The following BRD7 variants were observed in gnomAD, a reference collection of about 807,000 sequenced individuals.
The protein encoded by BRD7 is bromodomain containing 7.
Under a neutral mutation model 82.1 loss-of-function variants are expected in BRD7, and 15 were observed. The ratio of observed to expected loss-of-function variants is 0.18; its 90% CI spans 0.12 to 0.28. The LOEUF (loss-of-function observed/expected upper bound fraction) is 0.28, where lower values mean the gene tolerates loss of function less well. Among genes scored for constraint, BRD7 ranks in the 10% least tolerant of loss-of-function variants. The probability of loss-of-function intolerance (pLI) is 1.00; values close to 1 mark genes in which losing one functional copy is unlikely to be tolerated. For missense variants in BRD7, 638 were observed against 779.9 expected (o/e 0.82, Z 2.17); for synonymous variants, 232 against 266.9 (o/e 0.87, Z 1.27).
intron 11 of BRD7, among the ~76,000 whole-genome samples, chr16:50,324,942 C>T (rs531066972): frequency 6.6e-6 from 1 of 152,182 alleles, no homozygotes; most frequent in East Asian, 1.9e-4. Context: ...GACTTAAGGA[C>T]CTCTACCTTG....
chr16:50,338,053 A>C (rs1302819121), intron 6 of BRD7, among the ~76,000 whole-genome samples: 1 of 152,200 alleles, frequency 6.6e-6, no homozygotes, highest in African/African-American at 2.4e-5. Flanking sequence ...ATCAAAGGTC[A>C]TTAAAAATTA....
Position 50,317,225 on chromosome 16 carries a change from T to C in BRD7, c.*1986A>G, listed in dbSNP as rs1041920978. 1 of 152,794 alleles carries C rather than the reference T, an allele frequency of 6.5e-6. No individual in the cohort carries two copies. The highest frequency in any genetic ancestry group is 2.4e-5 in the African/African-American group (1 of 41,454). 9.5% of individuals were successfully genotyped at this position (152,794 alleles called of 1,614,324 possible). ...GTGGAATCAGTATGAATAGAAGAAC[T>C]TGCTGTATAAAGGAATTTCATGGCA... On this transcript the variant is annotated 3_prime_UTR_variant, in exon 17 of 17. Coordinates refer to ENST00000394688, the MANE Select transcript of BRD7 (RefSeq NM_013263.5).
intron 7 of BRD7, 34 bp from the exon 8 acceptor site, chr16:50,333,731 AAC>A: frequency 1.4e-6 from 2 of 1,455,160 alleles, no homozygotes; most frequent in East Asian, 2.3e-5. Context: ...GTAAAAAAAA[AAC>A]AAAGATAAGT....
chr16:50,341,651 A>AAAG (rs1055100470), intron 5 of BRD7, among the ~76,000 whole-genome samples: 2 of 151,124 alleles, frequency 1.3e-5, no homozygotes, highest in African/African-American at 4.9e-5. Flanking sequence ...TCAAAAAAAA[A>AAAG]AAAAAAAAAT....
chr16:50,348,909 T>C (rs2038399076), intron 5 of BRD7: 1 of 152,274 alleles, frequency 6.6e-6, no homozygotes. Context: ...TTACTGGGTA[T>C]ATACCCAAAG....
In BRD7 at chr16:50,361,166, G is replaced by A. The variant is rs549825802; in HGVS notation, c.259-6244C>T. On this transcript the variant is annotated intron_variant, in intron 2 of 16. Coordinates refer to ENST00000394688, the MANE Select transcript of BRD7 (RefSeq NM_013263.5). ...ATATACACAAAGAATTTAGAATAGT[G>A]TCTGGCAGACAGTAAACACTCGGAT... Among the ~76,000 whole-genome samples the A allele has an allele frequency of 1.2e-4, 19 of 152,280 alleles. No homozygotes were observed. In the South Asian group the frequency reaches 2.9e-3, roughly 23 times the overall value.
In BRD7 at chr16:50,368,932, C is replaced by T. The variant is rs1185763282; in HGVS notation, c.-158G>A. 3 of 218,062 alleles carry T rather than the reference C, an allele frequency of 1.4e-5. 1 individual carries two copies. In the Admixed American group the frequency reaches 2.0e-4, roughly 15 times the overall value. The allele number at this position is 218,062 out of a possible 1,614,324, so 13.5% of individuals were successfully genotyped here. On this transcript the variant is annotated 5_prime_UTR_variant, in exon 1 of 17. Coordinates refer to ENST00000394688, the MANE Select transcript of BRD7 (RefSeq NM_013263.5). ...GCGCGCCGGGCGGCGCGATGCCCCT[C>T]TCGAGAAGACGGCGCGCGAGACCCG...
At chr16:50,365,113 GCT>G (rs1185502494) in intron 2 of BRD7, among the ~76,000 whole-genome samples, 3 of 152,206 alleles carry the variant, frequency 2.0e-5, no homozygotes, top group African/African-American at 7.2e-5. Context: ...CCCTGGAAAA[GCT>G]CAGAACTGGA....
chr16:50,347,924 T>C (rs1567278879), intron 5 of BRD7, among the ~76,000 whole-genome samples: 1 of 152,096 alleles, frequency 6.6e-6, no homozygotes, highest in Non-Finnish European at 1.5e-5. Context: ...AAAGTTCATA[T>C]GGAACCAAAA....
rs370487630 is a variant in BRD7 at position 50,354,530 on chromosome 16, A to G, written c.389-48T>C. On this transcript the variant is annotated intron_variant, in intron 3 of 16. Coordinates refer to ENST00000394688, the MANE Select transcript of BRD7 (RefSeq NM_013263.5). ...AGGGTATTTTAAAAAGGAGTATTCT[A>G]GAGAGTATTATTTACTAGATCATTT... is the stretch of plus-strand genomic sequence containing the variant. 4.1e-5 allele frequency: 61 copies of G among 1,479,706 alleles called. No homozygotes were observed. In the African/African-American group the frequency reaches 7.3e-4, roughly 18 times the overall value. 91.7% of individuals were successfully genotyped at this position (1,479,706 alleles called of 1,614,324 possible). A position where few individuals can be genotyped will look rare whatever the true frequency, so the allele number is the denominator to read the frequency against.
At chr16:50,367,855 T>C (rs949480140) in intron 2 of BRD7, among the ~76,000 whole-genome samples, 5 of 152,172 alleles carry the variant, frequency 3.3e-5, no homozygotes, top group Non-Finnish European at 7.4e-5. Flanking sequence ...TCCTCAAAAT[T>C]TGGACTTAGC....
At chr16:50,368,651 G>A in intron 1 of BRD7, 75 bp downstream of exon 1, 3 of 1,447,916 alleles carry the variant, frequency 2.1e-6, no homozygotes, top group African/African-American at 3.0e-5. Flanking sequence ...GGGCCGCCCC[G>A]GAGCCACTGG....
intron 2 of BRD7, among the ~76,000 whole-genome samples, chr16:50,360,819 T>C (rs1415596569): frequency 6.6e-6 from 1 of 152,190 alleles, no homozygotes. Flanking sequence ...TAGGCCCCTT[T>C]TCTGAGTTCT....
intron 7 of BRD7, 145 bp from the exon 8 acceptor site, chr16:50,333,842 G>GT: frequency 1.5e-6 from 1 of 673,422 alleles, no homozygotes; most frequent in Non-Finnish European, 2.4e-6. Context: ...TTGATGACCT[G>GT]TTAAGGGTCT....
intron 8 of BRD7, 84 bp from the exon 9 acceptor site, chr16:50,328,828 A>G: frequency 1.6e-6 from 2 of 1,287,520 alleles, no homozygotes; most frequent in East Asian, 2.3e-5. Flanking sequence ...GCTTGATACC[A>G]GAGTGTTGTG....
At chr16:50,352,102 C>A (rs532748784) in intron 4 of BRD7, among the ~76,000 whole-genome samples, 6 of 152,310 alleles carry the variant, frequency 3.9e-5, no homozygotes, top group Admixed American at 1.3e-4. Context: ...CACTGTTCTA[C>A]TCTCTACTTC....
chr16:50,321,853 C>G, intron 13 of BRD7, 129 bp downstream of exon 13: 1 of 784,070 alleles, frequency 1.3e-6, no homozygotes, highest in South Asian at 1.6e-5. Flanking sequence ...GCCATTTCAG[C>G]TAGGCCCTCA....
chr16:50,317,462 CCTCT>C lies in BRD7; in HGVS notation c.*1745_*1748del, dbSNP rs1477006138. 2 of 152,298 alleles carry C rather than the reference CCTCT, an allele frequency of 1.3e-5. No homozygotes were observed. Among genetic ancestry groups the C allele is most frequent in the African/African-American group, 2.4e-5 (1 of 41,416 alleles). 9.4% of individuals were successfully genotyped at this position (152,298 alleles called of 1,614,324 possible). Reference sequence around the variant, plus strand: ...CATAGAAACACATTAGTGCACTGGGCCTCTCTGAGGTCAGCATATTTGTACTCTT... The same window carrying C: ...CATAGAAACACATTAGTGCACTGGGCCTGAGGTCAGCATATTTGTACTCTT... On this transcript the variant is annotated 3_prime_UTR_variant, in exon 17 of 17. Transcript: ENST00000394688.
In BRD7 at chr16:50,329,296, A is replaced by C. The variant is rs1396281265; in HGVS notation, c.1012-552T>G. Among the ~76,000 whole-genome samples, 3 of 152,274 alleles carry C rather than the reference A, an allele frequency of 2.0e-5. No homozygotes were observed. In the East Asian group the frequency reaches 5.8e-4, roughly 29 times the overall value. On this transcript the variant is annotated intron_variant, in intron 8 of 16. Transcript: ENST00000394688. Reference sequence around the variant, plus strand: ...GCCACCTAGTCCTCCCCAGTCTATCAAAAAAGGCTACTATGGACCAGGTGA... The same window carrying C: ...GCCACCTAGTCCTCCCCAGTCTATCCAAAAAGGCTACTATGGACCAGGTGA...
Sources: allele counts gnomAD v4.1 joint callset (sites outside exome capture counted in the v4.1 genomes callset), GRCh38; gene constraint gnomAD v4.1.1; transcripts MANE v1.5; gene names NCBI Gene and HGNC (gene_info 2026-07-23, HGNC 2026-07-21).